Variants in CHEK1 observed in about 807,000 individuals in gnomAD.
CHEK1 encodes serine/threonine-protein kinase Chk1.
Under a neutral mutation model 60.2 loss-of-function variants are expected in CHEK1, and 32 were observed. That is an observed-to-expected ratio of 0.53 (90% CI 0.40 to 0.71). The LOEUF (loss-of-function observed/expected upper bound fraction) is 0.71, where lower values mean the gene tolerates loss of function less well. Ranked by LOEUF, CHEK1 falls within the 30% of genes least tolerant of loss-of-function variation. CHEK1 has a pLI of 0.00. For synonymous variants in CHEK1, 179 were observed against 187.2 expected (o/e 0.96, Z 0.36); for missense variants, 399 against 564.6 (o/e 0.71, Z 2.97).
At chr11:125,644,985 C>A (rs998554872) in intron 11 of CHEK1, among the ~76,000 whole-genome samples, 1 of 151,996 alleles carries the variant, frequency 6.6e-6, no homozygotes, top group African/African-American at 2.4e-5. Flanking sequence ...TCCTGCGTGG[C>A]CAACAGAGTG....
intron 13 of CHEK1, among the ~76,000 whole-genome samples, chr11:125,665,625 G>A (rs1942085343): frequency 6.6e-6 from 1 of 152,000 alleles, no homozygotes. Flanking sequence ...TTCTTTGATG[G>A]AAGACTTTTT....
In CHEK1 at chr11:125,673,349, C is replaced by T. The variant is rs533287616; in HGVS notation, c.*28-2579C>T. 3.4e-4 allele frequency among the ~76,000 whole-genome samples: 51 copies of T among 152,030 alleles called. No homozygotes were observed. In the South Asian group the frequency reaches 0.01, roughly 31 times the overall value. On this transcript the variant is annotated intron_variant, in intron 13 of 13. Coordinates refer to the CHEK1 transcript ENST00000428830. ...CCTCCTGAGTAGCTGGGATTACAGG[C>T]GCACCACCACACCTGGCTAATTTTT...
chr11:125,661,632 A>T (rs1307132224), downstream of CHEK1, among the ~76,000 whole-genome samples: 1 of 151,392 alleles, frequency 6.6e-6, no homozygotes, highest in African/African-American at 2.4e-5. Flanking sequence ...TTTTTTAAAA[A>T]TCACTGTATT....
intron 8 of CHEK1, chr11:125,642,735 T>G (rs989648102): frequency 5.3e-5 from 8 of 152,036 alleles, no homozygotes; most frequent in African/African-American, 1.9e-4. Context: ...GATGGGAGAA[T>G]GGAAGGGATG....
At chr11:125,680,139 C>G (rs766735521), downstream of CHEK1, among the ~76,000 whole-genome samples, 6 of 152,276 alleles carry the variant, frequency 3.9e-5, no homozygotes, top group Admixed American at 1.3e-4. Flanking sequence ...ATAGAAAATA[C>G]ATTGTTTTTT....
At chr11:125,644,305 C>G (rs1314675818) in intron 10 of CHEK1, 37 bp downstream of exon 10, 11 of 1,569,668 alleles carry the variant, frequency 7.0e-6, no homozygotes, top group African/African-American at 1.4e-5. Flanking sequence ...AATGGCAGCT[C>G]TTTATTTTTT....
intron 13 of CHEK1, among the ~76,000 whole-genome samples, chr11:125,669,759 C>T (rs1203462609): frequency 2.0e-5 from 3 of 151,706 alleles, no homozygotes; most frequent in East Asian, 1.9e-4. Flanking sequence ...CTGCTGACCT[C>T]GTGATCCACC....
chr11:125,649,561 T>TAA (rs1467948663), intron 11 of CHEK1, among the ~76,000 whole-genome samples: 26 of 152,016 alleles, frequency 1.7e-4, no homozygotes, highest in African/African-American at 5.8e-4. Context: ...CCATCTCTAC[T>TAA]AAAAATATTT....
In CHEK1 at chr11:125,627,748, A is replaced by C. The variant is rs1386843282; in HGVS notation, c.207A>C (p.Lys69Asn). ...NKMLNHENVV[K>N]FYGHRREGNI... ...TGCTAAATCATGAAAATGTAGTAAA[A>C]TTCTATGGTCACAGGAGAGAAGGCA... Residue 69 changes from lysine (K) to asparagine (N), a missense_variant, in exon 3 of 13, where the codon AAA (lysine) becomes AAC (asparagine). By Grantham distance (94) the Lys-to-Asn change is moderately conservative. This residue lies in a region of CHEK1 where 370 missense variants were observed against 494.8 expected (regional missense o/e 0.75). Coordinates refer to ENST00000438015, the MANE Select transcript of CHEK1 (RefSeq NM_001114122.3). The C allele has an allele frequency of 6.2e-7, 1 of 1,613,640 alleles. No individual in the cohort carries two copies. Among genetic ancestry groups the C allele is most frequent in the South Asian group, 1.1e-5 (1 of 91,060 alleles).
At chr11:125,680,520 G>A (rs77676002), downstream of CHEK1, among the ~76,000 whole-genome samples, 378 of 152,280 alleles carry the variant, frequency 2.5e-3, 3 homozygotes, top group African/African-American at 8.6e-3. Flanking sequence ...ACCAGACTGT[G>A]CCAAGCCAGT....
intron 8 of CHEK1, among the ~76,000 whole-genome samples, chr11:125,642,548 A>G (rs1242521345): frequency 1.3e-5 from 2 of 152,222 alleles, no homozygotes; most frequent in Non-Finnish European, 1.5e-5. Flanking sequence ...TTAAAAAAAA[A>G]CTTGAGCATG....
intron 13 of CHEK1, among the ~76,000 whole-genome samples, chr11:125,668,274 C>T (rs1942134545): frequency 1.3e-5 from 2 of 152,078 alleles, no homozygotes; most frequent in African/African-American, 2.4e-5. Context: ...AATAGTTCCT[C>T]GATGTTTATA....
downstream of CHEK1, among the ~76,000 whole-genome samples, chr11:125,678,814 A>T (rs1164143196): frequency 1.3e-5 from 2 of 151,838 alleles, no homozygotes; most frequent in East Asian, 3.9e-4. Context: ...TTGGACAGGG[A>T]TGACAAGTAT....
At chr11:125,657,187 TTGTGTGTGTG>T (rs3831425), downstream of CHEK1, 15 of 147,222 alleles carry the variant, frequency 1.0e-4, no homozygotes, top group South Asian at 4.6e-4. Context: ...CAACCTATGC[TTGTGTGTGTG>T]TGTGTGTGTG....
At chr11:125,668,252 C>T (rs937802026) in intron 13 of CHEK1, among the ~76,000 whole-genome samples, 3 of 152,172 alleles carry the variant, frequency 2.0e-5, no homozygotes, top group South Asian at 2.1e-4. Context: ...CCCTTAGTCT[C>T]CTTTCATTTG....
Position 125,644,106 on chromosome 11 carries a change from G to A in CHEK1, c.939G>A (p.Lys313=). 2 of 1,609,676 alleles carry A rather than the reference G, an allele frequency of 1.2e-6. No homozygotes were observed. Among genetic ancestry groups the A allele is most frequent in the Non-Finnish European group, 1.7e-6 (2 of 1,179,036 alleles). The change falls in exon 10 of 13, where the codon AAG becomes AAA. Residue 313 remains lysine (K), a synonymous_variant. Coordinates refer to ENST00000438015, the MANE Select transcript of CHEK1 (RefSeq NM_001114122.3). Reference sequence around the variant, plus strand: ...AATGCCTCAGTGAAGAAAATGTGAAGTACTCCAGTTCTCAGCCAGAACCCC... The same window carrying A: ...AATGCCTCAGTGAAGAAAATGTGAAATACTCCAGTTCTCAGCCAGAACCCC... ...VNSASSEENV[K]YSSSQPEPRT... is the part of the protein sequence containing the mutation.
chr11:125,647,639 G>A (rs2136040404), intron 11 of CHEK1, among the ~76,000 whole-genome samples: 1 of 152,150 alleles, frequency 6.6e-6, no homozygotes, highest in East Asian at 1.9e-4. Flanking sequence ...TATTCAAGGT[G>A]CTTGGGACCA....
chr11:125,661,799 C>G (rs765977812), downstream of CHEK1, among the ~76,000 whole-genome samples: 10 of 151,902 alleles, frequency 6.6e-5, no homozygotes. Context: ...ATACAATTGT[C>G]TATTTTGATA....
chr11:125,627,178 C>T (rs1940650928), intron 2 of CHEK1, among the ~76,000 whole-genome samples: 1 of 152,160 alleles, frequency 6.6e-6, no homozygotes, highest in Admixed American at 6.5e-5. Flanking sequence ...TGATCTTAGG[C>T]AAGCTTCTTA....
Sources: allele counts gnomAD v4.1 joint callset (sites outside exome capture counted in the v4.1 genomes callset), GRCh38; gene constraint gnomAD v4.1.1; regional missense constraint gnomAD v4.1.1; transcripts MANE v1.5; gene names NCBI Gene and HGNC (gene_info 2026-07-23, HGNC 2026-07-21).